Variants in PABPC4L observed in about 807,000 individuals in gnomAD.
The protein encoded by PABPC4L is polyadenylate-binding protein 4-like.
For synonymous variants in PABPC4L, 169 were observed against 164.1 expected (o/e 1.03, Z -0.23); for missense variants, 452 against 451.4 (o/e 1.00, Z -0.01).
the PABPC4L span, among the ~76,000 whole-genome samples, chr4:133,949,380 AT>A: frequency 6.6e-6 from 1 of 152,098 alleles, no homozygotes; most frequent in Non-Finnish European, 1.5e-5. Flanking sequence ...TATCAGCTTG[AT>A]TAGGTATTCC....
chr4:133,990,686 T>G, the PABPC4L span, among the ~76,000 whole-genome samples: 1 of 152,176 alleles, frequency 6.6e-6, no homozygotes, highest in East Asian at 1.9e-4. Flanking sequence ...ACAGATTTAA[T>G]GACAAAGGCT....
chr4:134,070,573 C>T, the PABPC4L span, among the ~76,000 whole-genome samples: 1 of 152,094 alleles, frequency 6.6e-6, no homozygotes. Flanking sequence ...AGTGGGTGTG[C>T]ATGCACTCAC....
At chr4:133,957,594 T>C in the PABPC4L span, among the ~76,000 whole-genome samples, 1 of 152,152 alleles carries the variant, frequency 6.6e-6, no homozygotes, top group South Asian at 2.1e-4. Flanking sequence ...CAGTAGAGAC[T>C]CTGTGTGGGG....
the PABPC4L span, among the ~76,000 whole-genome samples, chr4:134,183,337 TAAGTG>T: frequency 7.0e-3 from 1,066 of 152,022 alleles, 20 homozygotes; most frequent in African/African-American, 0.024. Context: ...GCCATTATCC[TAAGTG>T]AAGTAAAGCA....
the PABPC4L span, among the ~76,000 whole-genome samples, chr4:134,115,228 G>A: frequency 6.6e-6 from 1 of 151,820 alleles, no homozygotes; most frequent in Non-Finnish European, 1.5e-5. Flanking sequence ...TTCACACTTA[G>A]ACAATAGGCG....
chr4:134,140,150 C>G, the PABPC4L span, among the ~76,000 whole-genome samples: 2 of 151,728 alleles, frequency 1.3e-5, no homozygotes, highest in African/African-American at 4.8e-5. Context: ...AATATCTAAC[C>G]TAAAGCATGA....
the PABPC4L span, among the ~76,000 whole-genome samples, chr4:134,124,811 C>A: frequency 6.6e-6 from 1 of 152,010 alleles, no homozygotes; most frequent in Non-Finnish European, 1.5e-5. Context: ...GAACAAAGAC[C>A]TAGCTGTGAG....
At chr4:134,099,604 CT>C in the PABPC4L span, among the ~76,000 whole-genome samples, 16 of 151,622 alleles carry the variant, frequency 1.1e-4, no homozygotes, top group Non-Finnish European at 1.8e-4. Flanking sequence ...CCATTAAAAA[CT>C]TTTAAAAAAC....
chr4:134,112,719 A>G, the PABPC4L span, among the ~76,000 whole-genome samples: 1 of 151,910 alleles, frequency 6.6e-6, no homozygotes, highest in African/African-American at 2.4e-5. Flanking sequence ...GCATGTATAT[A>G]TATGTGTGTG....
At chr4:134,069,708 C>T in the PABPC4L span, among the ~76,000 whole-genome samples, 3 of 152,112 alleles carry the variant, frequency 2.0e-5, no homozygotes, top group Admixed American at 1.3e-4. Context: ...TTTCATCTTT[C>T]GTATCCTGTA....
At chr4:133,959,304 G>A in the PABPC4L span, among the ~76,000 whole-genome samples, 2 of 152,098 alleles carry the variant, frequency 1.3e-5, no homozygotes, top group African/African-American at 4.8e-5. Flanking sequence ...TAGCAATGAA[G>A]GAAAATCAAA....
At chr4:134,120,075 T>A in the PABPC4L span, among the ~76,000 whole-genome samples, 42 of 151,754 alleles carry the variant, frequency 2.8e-4, no homozygotes, top group African/African-American at 9.6e-4. Context: ...ATATATACAT[T>A]TATGCACTTC....
At chr4:134,115,535 A>T in the PABPC4L span, among the ~76,000 whole-genome samples, 1 of 151,810 alleles carries the variant, frequency 6.6e-6, no homozygotes, top group African/African-American at 2.4e-5. Context: ...ATAAGAGAAA[A>T]ATTTATTCAG....
At chr4:134,039,216 A>AT in the PABPC4L span, among the ~76,000 whole-genome samples, 1 of 151,978 alleles carries the variant, frequency 6.6e-6, no homozygotes. Context: ...ATTCTTTTGC[A>AT]TTTTTTGAGG....
chr4:134,179,000 C>T, the PABPC4L span, among the ~76,000 whole-genome samples: 3,421 of 152,064 alleles, frequency 0.022, 133 homozygotes, highest in African/African-American at 0.078. Flanking sequence ...GAAAATTTTC[C>T]CAACCTCACC....
At chr4:134,055,473 T>C in the PABPC4L span, among the ~76,000 whole-genome samples, 1 of 151,786 alleles carries the variant, frequency 6.6e-6, no homozygotes, top group Non-Finnish European at 1.5e-5. Flanking sequence ...AGCAAACAAC[T>C]CTTAAGGGCA....
the PABPC4L span, among the ~76,000 whole-genome samples, chr4:134,168,119 G>A: frequency 1.3e-5 from 2 of 151,708 alleles, no homozygotes. Flanking sequence ...AATAACAAGA[G>A]GAAATTTGAA....
At chr4:133,992,184 C>A in the PABPC4L span, among the ~76,000 whole-genome samples, 1 of 152,178 alleles carries the variant, frequency 6.6e-6, no homozygotes. Flanking sequence ...TGGATGCAGA[C>A]ATCAGTATGG....
chr4:134,148,679 T>C, the PABPC4L span, among the ~76,000 whole-genome samples: 44 of 152,260 alleles, frequency 2.9e-4, no homozygotes, highest in African/African-American at 1.0e-3. Flanking sequence ...GGAATTGTTT[T>C]AACTACAGAC....
Sources: allele counts gnomAD v4.1 joint callset (sites outside exome capture counted in the v4.1 genomes callset), GRCh38; gene constraint gnomAD v4.1.1; transcripts MANE v1.5; gene names NCBI Gene and HGNC (gene_info 2026-07-23, HGNC 2026-07-21).